Variants in CIMIP2C observed in about 807,000 individuals in gnomAD.
CIMIP2C encodes the protein ciliary microtubule inner protein 2C, also known as UPF0573 protein C2orf70.
At chr2:26,575,927 G>T in the CIMIP2C span, 5 of 1,613,366 alleles carry the variant, frequency 3.1e-6, no homozygotes, top group Non-Finnish European at 4.2e-6. Context: ...CCCCACTGTG[G>T]CCTTCTCCTT....
At chr2:26,568,370 C>T in the CIMIP2C span, among the ~76,000 whole-genome samples, 2 of 152,206 alleles carry the variant, frequency 1.3e-5, no homozygotes, top group Non-Finnish European at 2.9e-5. Context: ...TTCCCAGGAC[C>T]TCTGCCCCAA....
chr2:26,578,885 TC>T, the CIMIP2C span: 1 of 472,370 alleles, frequency 2.1e-6, no homozygotes, highest in South Asian at 1.5e-5. Flanking sequence ...AGCCCCTCCC[TC>T]CCGGAATCCC....
the CIMIP2C span, among the ~76,000 whole-genome samples, chr2:26,563,724 G>T: frequency 4.6e-5 from 7 of 152,248 alleles, no homozygotes; most frequent in Non-Finnish European, 8.8e-5. Context: ...ATGGCAACAT[G>T]AAGAAAAGTG....
the CIMIP2C span, chr2:26,562,969 G>T: frequency 4.3e-6 from 2 of 464,654 alleles, no homozygotes; most frequent in Non-Finnish European, 7.6e-6. Context: ...ATGTAGCCGG[G>T]GAAGGGGGAG....
the CIMIP2C span, chr2:26,562,646 G>C: frequency 6.3e-7 from 1 of 1,587,156 alleles, no homozygotes. Context: ...CCTACTGACC[G>C]AGTTCAATGC....
the CIMIP2C span, among the ~76,000 whole-genome samples, chr2:26,576,506 G>A: frequency 6.6e-6 from 1 of 152,270 alleles, no homozygotes; most frequent in South Asian, 2.1e-4. Context: ...GAGTCTCTTG[G>A]ATCTGTGGAA....
chr2:26,563,571 T>A, the CIMIP2C span, among the ~76,000 whole-genome samples: 2 of 152,102 alleles, frequency 1.3e-5, no homozygotes, highest in Non-Finnish European at 2.9e-5. Flanking sequence ...AGCAAATCTG[T>A]ATAGAATGAA....
the CIMIP2C span, chr2:26,562,602 G>A: frequency 6.4e-7 from 1 of 1,570,212 alleles, no homozygotes; most frequent in Non-Finnish European, 8.6e-7. Context: ...CGCTGTACTC[G>A]CGCACCCACC....
the CIMIP2C span, among the ~76,000 whole-genome samples, chr2:26,565,050 TCTC>T: frequency 3.3e-5 from 5 of 151,326 alleles, no homozygotes; most frequent in Non-Finnish European, 7.4e-5. Flanking sequence ...TCCTTCTCCT[TCTC>T]CTTCTTCTTC....
chr2:26,577,346 C>A, the CIMIP2C span, among the ~76,000 whole-genome samples: 2 of 152,122 alleles, frequency 1.3e-5, no homozygotes. Flanking sequence ...GTGAGGACAC[C>A]CAGCTGGTTG....
chr2:26,573,815 T>C, the CIMIP2C span, among the ~76,000 whole-genome samples: 1 of 152,060 alleles, frequency 6.6e-6, no homozygotes, highest in Non-Finnish European at 1.5e-5. Flanking sequence ...GTGGAGCCTC[T>C]CCCCTCTGCA....
the CIMIP2C span, among the ~76,000 whole-genome samples, chr2:26,563,574 AGAAT>A: frequency 6.6e-6 from 1 of 152,252 alleles, no homozygotes; most frequent in Non-Finnish European, 1.5e-5. Context: ...AAATCTGTAT[AGAAT>A]GAATGAATGA....
chr2:26,575,470 G>A, the CIMIP2C span, among the ~76,000 whole-genome samples: 4 of 152,272 alleles, frequency 2.6e-5, no homozygotes, highest in East Asian at 1.9e-4. Flanking sequence ...AGCATTGACT[G>A]GGGGGGTATC....
the CIMIP2C span, among the ~76,000 whole-genome samples, chr2:26,564,651 G>A: frequency 3.3e-5 from 5 of 152,190 alleles, no homozygotes; most frequent in South Asian, 2.1e-4. Context: ...TTAACTTAAT[G>A]AAAGAACCCA....
At chr2:26,573,952 C>T in the CIMIP2C span, among the ~76,000 whole-genome samples, 1 of 152,260 alleles carries the variant, frequency 6.6e-6, no homozygotes, top group African/African-American at 2.4e-5. Context: ...CTACAGTGAG[C>T]AGTCCTGTCA....
chr2:26,576,595 C>T, the CIMIP2C span, among the ~76,000 whole-genome samples: 5 of 152,216 alleles, frequency 3.3e-5, no homozygotes, highest in South Asian at 1.0e-3. Context: ...GGCCCCACTA[C>T]AGCCCCCAGC....
At chr2:26,572,189 A>G in the CIMIP2C span, 2 of 1,486,786 alleles carry the variant, frequency 1.3e-6, no homozygotes, top group Non-Finnish European at 1.8e-6. Context: ...CCACCCCCCA[A>G]TTTTGGTTGC....
chr2:26,579,221 G>A, the CIMIP2C span: 2 of 1,569,658 alleles, frequency 1.3e-6, no homozygotes, highest in Non-Finnish European at 1.7e-6. Context: ...TGGGCACGTG[G>A]GGCTGTGGGT....
the CIMIP2C span, among the ~76,000 whole-genome samples, chr2:26,565,640 C>T: frequency 2.3e-4 from 35 of 152,280 alleles, 1 homozygote; most frequent in Non-Finnish European, 4.4e-4. Context: ...GACTTCCTTA[C>T]CCTGGGCAGG....
Sources: allele counts gnomAD v4.1 joint callset (sites outside exome capture counted in the v4.1 genomes callset), GRCh38; gene constraint gnomAD v4.1.1; transcripts MANE v1.5; gene names NCBI Gene and HGNC (gene_info 2026-07-23, HGNC 2026-07-21).